GFOD1: variants seen among roughly 807,000 people sequenced by gnomAD.
The protein encoded by GFOD1 is Gfo/Idh/MocA-like oxidoreductase domain containing 1, also known as glucose-fructose oxidoreductase domain-containing protein 1.
Under a neutral mutation model 25.4 loss-of-function variants are expected in GFOD1, and 9 were observed. The observed-to-expected ratio is 0.35, with a 90% CI of 0.21 to 0.62. The LOEUF (loss-of-function observed/expected upper bound fraction) is 0.62. Among genes scored for constraint, GFOD1 ranks in the 20% least tolerant of loss-of-function variants. The pLI is 0.72. For synonymous variants in GFOD1, 253 were observed against 245.6 expected, an observed-to-expected ratio of 1.03 and a Z score of -0.28; for missense variants, 403 against 556.9, an observed-to-expected ratio of 0.72 and a Z score of 2.78.
intron 1 of GFOD1, among the ~76,000 whole-genome samples, chr6:13,445,776 C>T (rs558311811): frequency 5.7e-4 from 87 of 152,338 alleles, no homozygotes; most frequent in Middle Eastern, 6.8e-3. Context: ...AAACTCAGGA[C>T]TAATCTTCAA....
chr6:13,424,657 T>C (rs1238439616), intron 1 of GFOD1, among the ~76,000 whole-genome samples: 1 of 152,214 alleles, frequency 6.6e-6, no homozygotes, highest in Non-Finnish European at 1.5e-5. Flanking sequence ...TATAAAAATG[T>C]ATAGAATATA....
At chr6:13,369,322 T>G (rs899607345) in intron 1 of GFOD1, among the ~76,000 whole-genome samples, 2 of 152,252 alleles carry the variant, frequency 1.3e-5, no homozygotes, top group African/African-American at 4.8e-5. Context: ...CATAAAGAAC[T>G]AATCCAATAT....
chr6:13,439,917 G>A (rs1221809759), intron 1 of GFOD1, among the ~76,000 whole-genome samples: 1 of 152,132 alleles, frequency 6.6e-6, no homozygotes, highest in Non-Finnish European at 1.5e-5. Flanking sequence ...AATTTCACGG[G>A]CAATTCTAAT....
At chr6:13,401,639 T>C (rs1785846480) in intron 1 of GFOD1, among the ~76,000 whole-genome samples, 1 of 152,172 alleles carries the variant, frequency 6.6e-6, no homozygotes, top group Non-Finnish European at 1.5e-5. Context: ...ATATGTACTA[T>C]GAAAATTAAA....
intron 1 of GFOD1, among the ~76,000 whole-genome samples, chr6:13,456,917 G>A (rs541192052): frequency 3.3e-5 from 5 of 152,186 alleles, no homozygotes; most frequent in Non-Finnish European, 7.4e-5. Context: ...GTGCCCTGCA[G>A]GAGGCTTTGA....
At chr6:13,416,130 C>T (rs1455096471) in intron 1 of GFOD1, among the ~76,000 whole-genome samples, 1 of 152,206 alleles carries the variant, frequency 6.6e-6, no homozygotes, top group Non-Finnish European at 1.5e-5. Context: ...GCCATACCCC[C>T]TTAATGCTCT....
intron 1 of GFOD1, among the ~76,000 whole-genome samples, chr6:13,454,068 A>C (rs1389644798): frequency 6.6e-6 from 1 of 152,210 alleles, no homozygotes; most frequent in Non-Finnish European, 1.5e-5. Context: ...ATATAAAGGA[A>C]AAATTCAGAC....
intron 1 of GFOD1, among the ~76,000 whole-genome samples, chr6:13,448,363 G>T (rs1176839862): frequency 6.6e-6 from 1 of 152,116 alleles, no homozygotes; most frequent in Non-Finnish European, 1.5e-5. Flanking sequence ...GCAGCCCATG[G>T]GATGTTCTGG....
Position 13,365,598 on chromosome 6 carries a change from C to G in GFOD1, c.318G>C (p.Ser106=), listed in dbSNP as rs148981320. The part of the protein sequence containing the change: ...ATPLDAFRMT[S]AAHYYPKLMS... ...TGAGCTTGGGGTAGTAGTGGGCGGC[C>G]GAGGTCATGCGGAAAGCGTCCAGCG... is the stretch of plus-strand genomic sequence containing the variant. The change falls in exon 2 of 2, where the codon TCG becomes TCC. Residue 106 remains serine, a synonymous_variant. Transcript: ENST00000379287. This position sits in a 1 kb window ranked among gnomAD's most constrained non-coding sequence, Gnocchi z 9.2. The G allele has an allele frequency of 9.7e-5, 155 of 1,605,536 alleles. 1 individual carries two copies. Among genetic ancestry groups the G allele is most frequent in the Non-Finnish European group, 1.6e-5 (19 of 1,179,834 alleles).
intron 1 of GFOD1, among the ~76,000 whole-genome samples, chr6:13,403,098 G>C (rs1049638540): frequency 6.0e-5 from 9 of 149,624 alleles, no homozygotes; most frequent in Non-Finnish European, 1.0e-4. Context: ...TGTTGTGTGT[G>C]TGTGTGTGTG....
chr6:13,375,925 C>T (rs188755331), intron 1 of GFOD1, among the ~76,000 whole-genome samples: 49 of 152,336 alleles, frequency 3.2e-4, no homozygotes, highest in Admixed American at 2.1e-3. Flanking sequence ...TCCATCTCTA[C>T]AGCTTATATT....
intron 1 of GFOD1, 150 bp downstream of exon 1, chr6:13,486,488 C>T: frequency 1.4e-6 from 1 of 692,844 alleles, no homozygotes. Context: ...GGAGGGAGCT[C>T]TGAGTCGGAT....
At chr6:13,420,225 T>C (rs1029957357) in intron 1 of GFOD1, among the ~76,000 whole-genome samples, 2 of 152,196 alleles carry the variant, frequency 1.3e-5, no homozygotes, top group East Asian at 3.8e-4. Flanking sequence ...TATACACAGA[T>C]TTGTTTCCAA....
intron 1 of GFOD1, among the ~76,000 whole-genome samples, chr6:13,451,546 G>C (rs1758098985): frequency 6.6e-6 from 1 of 152,206 alleles, no homozygotes; most frequent in Non-Finnish European, 1.5e-5. Context: ...CCTCCGAGTA[G>C]CTGTCAAGCA....
intron 1 of GFOD1, among the ~76,000 whole-genome samples, chr6:13,462,529 T>A (rs1331785125): frequency 6.6e-6 from 1 of 152,182 alleles, no homozygotes; most frequent in Admixed American, 6.5e-5. Context: ...AGGAAGTGCT[T>A]TCTGAGAAGT....
At chr6:13,371,363 A>G (rs1785151878) in intron 1 of GFOD1, among the ~76,000 whole-genome samples, 1 of 152,214 alleles carries the variant, frequency 6.6e-6, no homozygotes, top group African/African-American at 2.4e-5. Context: ...CCCTGAAAAG[A>G]CAAGGGAGCC....
intron 1 of GFOD1, among the ~76,000 whole-genome samples, chr6:13,389,059 A>G (rs968480982): frequency 6.6e-6 from 1 of 152,244 alleles, no homozygotes; most frequent in African/African-American, 2.4e-5. Context: ...CAAAACCACA[A>G]TGAGATACCA....
chr6:13,384,652 C>T (rs542130779), intron 1 of GFOD1, among the ~76,000 whole-genome samples: 1 of 152,280 alleles, frequency 6.6e-6, no homozygotes, highest in African/African-American at 2.4e-5. Context: ...AGCAGCACAG[C>T]GAGGTTTGAG....
At chr6:13,448,003 G>C (rs1758034850) in intron 1 of GFOD1, among the ~76,000 whole-genome samples, 2 of 151,956 alleles carry the variant, frequency 1.3e-5, no homozygotes, top group Non-Finnish European at 2.9e-5. Context: ...GGGTGGATTT[G>C]GAGGGAGGAG....
Sources: allele counts gnomAD v4.1 joint callset (sites outside exome capture counted in the v4.1 genomes callset), GRCh38; gene constraint gnomAD v4.1.1; non-coding constraint Gnocchi (gnomAD v3.1); transcripts MANE v1.5; gene names NCBI Gene and HGNC (gene_info 2026-07-23, HGNC 2026-07-21).